Variants in PAIP2 observed in about 807,000 individuals in gnomAD.
PAIP2 encodes polyadenylate-binding protein-interacting protein 2.
In PAIP2, 7 loss-of-function variants were observed where a neutral mutation model predicts 14.8. The ratio of observed to expected loss-of-function variants is 0.47; its 90% CI spans 0.27 to 0.89. The LOEUF is 0.89. Ranked by LOEUF, PAIP2 falls within the 40% of genes least tolerant of loss-of-function variation. The probability of loss-of-function intolerance (pLI) is 0.13; values close to 1 mark genes in which losing one functional copy is unlikely to be tolerated. For missense variants in PAIP2, 122 were observed against 154.7 expected (o/e 0.79, Z 1.12); for synonymous variants, 47 against 45.3 (o/e 1.04, Z -0.15).
chr5:139,349,474 C>T (rs1281913705), intron 1 of PAIP2, among the ~76,000 whole-genome samples: 1 of 151,856 alleles, frequency 6.6e-6, no homozygotes, highest in Non-Finnish European at 1.5e-5. Context: ...GTCTCGATCT[C>T]CTGACCTTGT....
rs569388922 is a variant in PAIP2 at position 139,355,369 on chromosome 5, A to G, written c.-26-8390A>G. 2.1e-4 allele frequency among the ~76,000 whole-genome samples: 32 copies of G among 151,584 alleles called. No individual in the cohort carries two copies. In the South Asian group the frequency reaches 6.1e-3, roughly 29 times the overall value. On this transcript the variant is annotated intron_variant, in intron 1 of 3. Coordinates refer to ENST00000265192, the MANE Select transcript of PAIP2 (RefSeq NM_016480.5). ...GTATTTTTAGTAGAGACAGGATTTC[A>G]CCATGTTGTCCAGGCTGGGCTTGAA... is the stretch of plus-strand genomic sequence containing the variant.
intron 1 of PAIP2, among the ~76,000 whole-genome samples, chr5:139,352,503 T>TTTTTTTTTTTTTTGTTTTTTTTTTTTTG (rs1422182919): frequency 2.4e-5 from 3 of 124,462 alleles, no homozygotes; most frequent in Admixed American, 8.1e-5. Context: ...TTTTTTGTTG[T>TTTTTTTTTTTTTTGTTTTTTTTTTTTTG]TTTTTTTTTT....
rs118066339 is a variant in PAIP2, at chr5:139,358,696, G to T, written c.-26-5063G>T. Among the ~76,000 whole-genome samples the T allele has an allele frequency of 3.6e-3, 543 of 152,300 alleles. 24 individuals are homozygous for T. In the East Asian group the frequency reaches 0.094, roughly 26 times the overall value. ...TGGCAATAAAAAGGAATGAAATGCT[G>T]ATACATGCTACAACATAGGTGAACC... is the stretch of plus-strand genomic sequence containing the variant. On this transcript the variant is annotated intron_variant, in intron 1 of 3. Transcript: ENST00000265192.
intron 1 of PAIP2, among the ~76,000 whole-genome samples, chr5:139,348,460 A>G (rs530642833): frequency 5.3e-5 from 8 of 150,466 alleles, no homozygotes; most frequent in East Asian, 2.0e-4. Context: ...GTTCACGCCA[A>G]TTTCCTGCCT....
chr5:139,350,028 AG>A (rs1756679135), intron 1 of PAIP2, among the ~76,000 whole-genome samples: 1 of 151,730 alleles, frequency 6.6e-6, no homozygotes, highest in African/African-American at 2.4e-5. Context: ...AATAAAAGTT[AG>A]CCAGGTGTGG....
chr5:139,346,613 C>T (rs1314902761), intron 1 of PAIP2, among the ~76,000 whole-genome samples: 2 of 151,980 alleles, frequency 1.3e-5, no homozygotes, highest in Non-Finnish European at 2.9e-5. Context: ...CTCACTGCAA[C>T]CTCTGCCTCC....
At chr5:139,364,796 G>GGAAAA in intron 3 of PAIP2, 53 bp downstream of exon 3, 1 of 1,181,274 alleles carries the variant, frequency 8.5e-7, no homozygotes, top group South Asian at 1.4e-5. Flanking sequence ...TTGCATAAGT[G>GGAAAA]GAAAAGCCAG....
intron 1 of PAIP2, among the ~76,000 whole-genome samples, chr5:139,357,621 A>G (rs866044449): frequency 6.6e-6 from 1 of 152,160 alleles, no homozygotes; most frequent in Non-Finnish European, 1.5e-5. Flanking sequence ...TCACGAGGTC[A>G]AGAGATCGAG....
intron 1 of PAIP2, chr5:139,343,016 T>C (rs934447189): frequency 2.0e-5 from 3 of 152,196 alleles, no homozygotes; most frequent in Non-Finnish European, 4.4e-5. Context: ...GGTGGCATTG[T>C]TTTTTCACAG....
At chr5:139,349,011 A>G (rs545964854) in intron 1 of PAIP2, among the ~76,000 whole-genome samples, 3 of 152,302 alleles carry the variant, frequency 2.0e-5, no homozygotes, top group Admixed American at 1.3e-4. Flanking sequence ...AATGGATGAT[A>G]ATGTGTATTG....
intron 3 of PAIP2, among the ~76,000 whole-genome samples, chr5:139,365,703 C>T (rs1489468653): frequency 2.0e-5 from 3 of 151,728 alleles, no homozygotes; most frequent in Non-Finnish European, 2.9e-5. Flanking sequence ...CTGCTTTTTA[C>T]AATGGAAGCA....
At chr5:139,347,094 C>A (rs2152044839) in intron 1 of PAIP2, among the ~76,000 whole-genome samples, 1 of 152,204 alleles carries the variant, frequency 6.6e-6, no homozygotes, top group African/African-American at 2.4e-5. Context: ...TAGGTGTGAG[C>A]CACTGCACCC....
rs546566283 is a variant in PAIP2, at chr5:139,353,910, C to T, written c.-26-9849C>T. ...AATTTTTTTGTATTTTTAGTAGAGA[C>T]GGGGTTTTGCCATGTTGGCCAGGCT... is the stretch of plus-strand genomic sequence containing the variant. On this transcript the variant is annotated intron_variant, in intron 1 of 3. Coordinates refer to ENST00000265192, the MANE Select transcript of PAIP2 (RefSeq NM_016480.5). Among the ~76,000 whole-genome samples, 92 of 152,058 alleles carry T rather than the reference C, an allele frequency of 6.1e-4. 1 individual carries two copies. The highest frequency in any genetic ancestry group is 3.4e-3 in the Middle Eastern group (1 of 294).
intron 1 of PAIP2, among the ~76,000 whole-genome samples, chr5:139,349,326 GC>G (rs1198830661): frequency 6.6e-6 from 1 of 152,144 alleles, no homozygotes; most frequent in Non-Finnish European, 1.5e-5. Context: ...TTAGCTCACT[GC>G]AACCTCCGCC....
intron 3 of PAIP2, among the ~76,000 whole-genome samples, chr5:139,366,118 G>A (rs934695155): frequency 6.6e-5 from 10 of 150,754 alleles, no homozygotes; most frequent in Admixed American, 3.3e-4. Context: ...CAGGAGAATC[G>A]CATGAATCTG....
intron 1 of PAIP2, among the ~76,000 whole-genome samples, chr5:139,360,705 C>T (rs1757043639): frequency 6.6e-6 from 1 of 151,904 alleles, no homozygotes; most frequent in Non-Finnish European, 1.5e-5. Context: ...TCAAGCGATC[C>T]ACCCCTGTTG....
chr5:139,345,299 A>G (rs1756505264), intron 1 of PAIP2, among the ~76,000 whole-genome samples: 1 of 152,112 alleles, frequency 6.6e-6, no homozygotes, highest in Non-Finnish European at 1.5e-5. Context: ...TTGGCCTCCC[A>G]AAGTGCTGGG....
At chr5:139,368,711 T>G in intron 3 of PAIP2, 22 bp from the exon 4 acceptor site, 3 of 1,592,572 alleles carry the variant, frequency 1.9e-6, no homozygotes, top group Non-Finnish European at 2.6e-6. Flanking sequence ...TGAACTTGCT[T>G]TTTTATGTAC....
At chr5:139,348,694 T>TTA (rs1357844092) in intron 1 of PAIP2, among the ~76,000 whole-genome samples, 2 of 147,344 alleles carry the variant, frequency 1.4e-5, no homozygotes, top group African/African-American at 5.0e-5. Context: ...TTTTTTTTTT[T>TTA]AAAGTCAGAG....
Sources: gnomAD v4.1 joint callset for allele counts (sites outside exome capture counted in the v4.1 genomes callset) on GRCh38, gnomAD v4.1.1 for gene constraint, MANE v1.5 for transcripts, NCBI Gene and HGNC (gene_info 2026-07-23, HGNC 2026-07-21) for gene names.